Variants in LDLRAD4 observed in about 807,000 individuals in gnomAD.
LDLRAD4 encodes the protein low density lipoprotein receptor class A domain containing 4.
Under a neutral mutation model 17.0 loss-of-function variants are expected in LDLRAD4, and 5 were observed. The observed-to-expected ratio is 0.29, with a 90% CI of 0.15 to 0.62. The LOEUF is 0.62. Among genes scored for constraint, LDLRAD4 ranks in the 20% least tolerant of loss-of-function variants. The pLI, the probability that LDLRAD4 is intolerant of heterozygous loss-of-function variation, is 0.84. For missense variants in LDLRAD4, 340 were observed against 424.7 expected, an observed-to-expected ratio of 0.80 and a Z score of 1.75; for synonymous variants, 168 against 171.8, an observed-to-expected ratio of 0.98 and a Z score of 0.17.
intron 3 of LDLRAD4, among the ~76,000 whole-genome samples, chr18:13,512,447 G>A (rs986323696): frequency 2.0e-5 from 3 of 152,242 alleles, no homozygotes; most frequent in Non-Finnish European, 4.4e-5. Context: ...GGAAAAGGTT[G>A]TGTGCTTACA....
intron 4 of LDLRAD4, among the ~76,000 whole-genome samples, chr18:13,641,403 AG>A (rs2042542167): frequency 6.6e-6 from 1 of 152,262 alleles, no homozygotes; most frequent in Non-Finnish European, 1.5e-5. Flanking sequence ...ATAGATTAGA[AG>A]GATAGATGGA....
At chr18:13,317,896 T>A (rs556219988) in intron 1 of LDLRAD4, among the ~76,000 whole-genome samples, 89 of 152,094 alleles carry the variant, frequency 5.9e-4, no homozygotes, top group African/African-American at 2.0e-3. Context: ...TAAGAAAAAA[T>A]TTTTTATCAT....
At chr18:13,358,407 A>G (rs991177338) in intron 1 of LDLRAD4, among the ~76,000 whole-genome samples, 1 of 152,180 alleles carries the variant, frequency 6.6e-6, no homozygotes, top group Non-Finnish European at 1.5e-5. Flanking sequence ...CTGTTGATAT[A>G]TCCAGTTCAA....
chr18:13,459,034 C>T (rs1033792340), intron 3 of LDLRAD4, among the ~76,000 whole-genome samples: 2 of 152,088 alleles, frequency 1.3e-5, no homozygotes, highest in Admixed American at 6.6e-5. Flanking sequence ...TGTTTTAAGG[C>T]CAGGTGTGGT....
chr18:13,556,489 G>GC (rs2094484919), intron 3 of LDLRAD4, among the ~76,000 whole-genome samples: 1 of 152,198 alleles, frequency 6.6e-6, no homozygotes, highest in Non-Finnish European at 1.5e-5. Context: ...TTGGTGCTTG[G>GC]CTATGCCCGA....
intron 1 of LDLRAD4, among the ~76,000 whole-genome samples, chr18:13,249,658 C>G (rs1488072961): frequency 6.6e-6 from 1 of 151,650 alleles, no homozygotes; most frequent in Non-Finnish European, 1.5e-5. Flanking sequence ...AATCCTTCAT[C>G]AGATGCATTG....
At chr18:13,428,371 G>A (rs947466912) in intron 2 of LDLRAD4, among the ~76,000 whole-genome samples, 12 of 152,196 alleles carry the variant, frequency 7.9e-5, no homozygotes, top group Admixed American at 7.2e-4. Flanking sequence ...TGAGCCCTGT[G>A]TGCAGGGAGC....
At chr18:13,612,561 C>T (rs570258673) in intron 3 of LDLRAD4, 3 of 1,437,856 alleles carry the variant, frequency 2.1e-6, no homozygotes, top group East Asian at 2.6e-5. Flanking sequence ...CCCCCCTCCA[C>T]GCTCACACAC....
At chr18:13,626,946 C>T (rs913649870) in intron 4 of LDLRAD4, among the ~76,000 whole-genome samples, 2 of 152,260 alleles carry the variant, frequency 1.3e-5, no homozygotes, top group African/African-American at 4.8e-5. Context: ...GTTTGCCCCA[C>T]AGGGTGTTCG....
chr18:13,556,465 A>T (rs1284418), intron 3 of LDLRAD4, among the ~76,000 whole-genome samples: 86,177 of 152,090 alleles, frequency 0.57, 24,626 homozygotes, highest in Admixed American at 0.58. Flanking sequence ...GTGGGTGCAC[A>T]GGGAGAGTGA....
At chr18:13,308,805 GTTAT>G (rs1489585164) in intron 1 of LDLRAD4, among the ~76,000 whole-genome samples, 1 of 152,168 alleles carries the variant, frequency 6.6e-6, no homozygotes, top group Non-Finnish European at 1.5e-5. Flanking sequence ...CCAAGTTTTT[GTTAT>G]TTGTCTTTTA....
At chr18:13,541,771 C>T (rs981341268) in intron 3 of LDLRAD4, among the ~76,000 whole-genome samples, 35 of 152,246 alleles carry the variant, frequency 2.3e-4, no homozygotes, top group Middle Eastern at 3.4e-3. Flanking sequence ...TGAAAAAGAC[C>T]GCCAGGCGTG....
At position 13,503,307 on chromosome 18, in the gene LDLRAD4, G is replaced by A. The variant is rs1037355032; in HGVS notation, c.181+64923G>A. 7.2e-5 allele frequency among the ~76,000 whole-genome samples: 11 copies of A among 152,276 alleles called. No homozygotes were observed. The South Asian group carries it at 1.9e-3, about 26-fold the overall frequency. On this transcript the variant is annotated intron_variant, in intron 3 of 5. Transcript: ENST00000359446. ...TGCTTCAGCAGCATCTCAATTCTGC[G>A]CAGCCTTTGAAAATCCTTTTCTACA...
chr18:13,299,232 A>C (rs897880259), intron 1 of LDLRAD4, among the ~76,000 whole-genome samples: 1 of 152,254 alleles, frequency 6.6e-6, no homozygotes, highest in South Asian at 2.1e-4. Flanking sequence ...GACACATTTT[A>C]GCAAACGTAG....
rs934178960 is a variant in LDLRAD4, at chr18:13,622,694, C to A, written c.336+1423C>A. Among the ~76,000 whole-genome samples, 9 of 152,230 alleles carry A rather than the reference C, an allele frequency of 5.9e-5. No individual in the cohort carries two copies. Among genetic ancestry groups the A allele is most frequent in the Non-Finnish European group, 1.3e-4 (9 of 68,044 alleles). On this transcript the variant is annotated intron_variant, in intron 4 of 5. Transcript: ENST00000359446. The surrounding 1 kb of genome is among the most constrained non-coding windows in gnomAD (Gnocchi z 5.3). ...AGGGAGGACTAATTCTTCTGAAGTT[C>A]TAAACACACAGTGTATGGGATTCAC...
intron 3 of LDLRAD4, among the ~76,000 whole-genome samples, chr18:13,462,969 G>A (rs2092483436): frequency 6.6e-6 from 1 of 152,160 alleles, no homozygotes; most frequent in East Asian, 1.9e-4. Flanking sequence ...GCTCTCTAGG[G>A]CAAGCTGAAG....
At chr18:13,494,041 C>T (rs1436006289) in intron 3 of LDLRAD4, among the ~76,000 whole-genome samples, 1 of 152,216 alleles carries the variant, frequency 6.6e-6, no homozygotes, top group East Asian at 1.9e-4. Flanking sequence ...CCCACAGTGC[C>T]TCCTCCTTCC....
At chr18:13,308,131 T>G (rs1172089339) in intron 1 of LDLRAD4, among the ~76,000 whole-genome samples, 1 of 152,214 alleles carries the variant, frequency 6.6e-6, no homozygotes, top group Admixed American at 6.5e-5. Context: ...CAAGCCCATT[T>G]TCCTGTACCA....
At chr18:13,284,593 A>T (rs763057365) in intron 1 of LDLRAD4, among the ~76,000 whole-genome samples, 1 of 151,972 alleles carries the variant, frequency 6.6e-6, no homozygotes, top group Non-Finnish European at 1.5e-5. Flanking sequence ...TGGTGTGTGT[A>T]TTTTTCCGTG....
Sources: allele counts gnomAD v4.1 joint callset (sites outside exome capture counted in the v4.1 genomes callset), GRCh38; gene constraint gnomAD v4.1.1; non-coding constraint Gnocchi (gnomAD v3.1); transcripts MANE v1.5; gene names NCBI Gene and HGNC (gene_info 2026-07-23, HGNC 2026-07-21).